Variants in RPS6KA6 observed in about 807,000 individuals in gnomAD.
RPS6KA6 encodes ribosomal protein S6 kinase A6.
In RPS6KA6, 27 loss-of-function variants were observed where a neutral mutation model predicts 65.4. The ratio of observed to expected loss-of-function variants is 0.41; its 90% CI spans 0.30 to 0.57. The LOEUF is 0.57. RPS6KA6 is among the 20% of genes least tolerant of loss of function. RPS6KA6 has a pLI of 0.24. For missense variants in RPS6KA6, 486 were observed against 555.6 expected (o/e 0.87, Z 1.26); for synonymous variants, 190 against 184.2 (o/e 1.03, Z -0.26).
intron 1 of RPS6KA6, chrX:84,186,999 T>G (rs185674660): frequency 1.8e-5 from 2 of 112,160 alleles, no homozygotes; most frequent in East Asian, 5.6e-4. Flanking sequence ...CAGAACAGTT[T>G]CAGAGTAAGA....
At chrX:84,183,956 T>C (rs976097915) in intron 1 of RPS6KA6, among the ~76,000 whole-genome samples, 10 of 111,921 alleles carry the variant, frequency 8.9e-5, no homozygotes, top group South Asian at 7.4e-4. Flanking sequence ...GCATTTCACA[T>C]TACAGCACTA....
At chrX:84,074,010 C>A (rs754644262) in intron 20 of RPS6KA6, among the ~76,000 whole-genome samples, 1 of 111,597 alleles carries the variant, frequency 9.0e-6, no homozygotes, top group Non-Finnish European at 1.9e-5. Context: ...ATCCAGCAGT[C>A]CCACTACTGG....
chrX:84,079,381 T>A, intron 20 of RPS6KA6, among the ~76,000 whole-genome samples: 1 of 110,733 alleles, frequency 9.0e-6, no homozygotes, highest in Non-Finnish European at 1.9e-5. Flanking sequence ...AGCACAAAAC[T>A]GGGCAGCCGT....
chrX:84,135,303 T>G, intron 6 of RPS6KA6, 93 bp from the exon 7 acceptor site: 2 of 553,846 alleles, frequency 3.6e-6, no homozygotes, highest in Non-Finnish European at 5.8e-6. Flanking sequence ...CAGACAAATC[T>G]AGGAAAATAA....
At chrX:84,111,064 A>G (rs769777935) in intron 12 of RPS6KA6, among the ~76,000 whole-genome samples, 15 of 108,456 alleles carry the variant, frequency 1.4e-4, no homozygotes, top group Non-Finnish European at 1.9e-4. Context: ...CAGAATTGAA[A>G]ACTTTAATAA....
intron 2 of RPS6KA6, among the ~76,000 whole-genome samples, chrX:84,162,283 G>A (rs773750778): frequency 2.7e-4 from 30 of 110,108 alleles, no homozygotes; most frequent in Non-Finnish European, 5.5e-4. Flanking sequence ...GAAAAAAATC[G>A]TAGCTGTATA....
At chrX:84,108,927 T>C (rs1181157925) in intron 12 of RPS6KA6, among the ~76,000 whole-genome samples, 1 of 112,112 alleles carries the variant, frequency 8.9e-6, no homozygotes, top group Non-Finnish European at 1.9e-5. Context: ...TTCTTCAGTG[T>C]TGGGTCTACA....
chrX:84,146,982 G>C lies in RPS6KA6; in HGVS notation c.417C>G (p.His139Gln). ...EVNHPFIVKL[H>Q]YAFQTEGKLY... ...GAATAAAAAAAGATTACATACCATA[G>C]TGCAATTTGACAATAAATGGATGAT... The change falls in exon 5 of 22, where the codon CAC becomes CAG. Residue 139 changes from histidine (H) to glutamine (Q), a missense_variant. Coordinates refer to ENST00000262752, the MANE Select transcript of RPS6KA6 (RefSeq NM_014496.5). 9.0e-7 allele frequency: 1 copy of C among 1,111,171 alleles called. No homozygotes were observed. The highest frequency in any genetic ancestry group is 1.2e-6 in the Non-Finnish European group (1 of 810,954). The allele number at this position is 1,111,171 out of a possible 1,213,427, so 91.6% of individuals were successfully genotyped here. A position where few individuals can be genotyped will look rare whatever the true frequency, so the allele number is the denominator to read the frequency against.
chrX:84,059,708 G>A lies in RPS6KA6; in HGVS notation c.*4569C>T. 9.0e-6 allele frequency: 1 copy of A among 111,653 alleles called. No individual in the cohort carries two copies. Among genetic ancestry groups the A allele is most frequent in the East Asian group, 2.8e-4 (1 of 3,579 alleles). The allele number at this position is 111,653 out of a possible 1,213,427, so 9.2% of individuals were successfully genotyped here. A position where few individuals can be genotyped will look rare whatever the true frequency, so the allele number is the denominator to read the frequency against. On this transcript the variant is annotated 3_prime_UTR_variant, in exon 22 of 22. Coordinates refer to ENST00000262752, the MANE Select transcript of RPS6KA6 (RefSeq NM_014496.5). ...ATACCTTTTGAAGAATAAATTATTA[G>A]TTCCCATAACTAGACAGTTGGAATT...
intron 20 of RPS6KA6, among the ~76,000 whole-genome samples, chrX:84,078,161 A>T (rs2033701449): frequency 8.9e-6 from 1 of 112,277 alleles, no homozygotes; most frequent in Non-Finnish European, 1.9e-5. Flanking sequence ...GAAAAAGGGA[A>T]AGGTAAAAGA....
At chrX:84,142,567 C>A (rs1030909132) in intron 6 of RPS6KA6, among the ~76,000 whole-genome samples, 1 of 111,238 alleles carries the variant, frequency 9.0e-6, no homozygotes, top group Non-Finnish European at 1.9e-5. Flanking sequence ...AAAGCTGTTT[C>A]TTTGAGAGTA....
At chrX:84,181,251 A>C (rs2035848998) in intron 1 of RPS6KA6, among the ~76,000 whole-genome samples, 1 of 111,917 alleles carries the variant, frequency 8.9e-6, no homozygotes, top group Non-Finnish European at 1.9e-5. Flanking sequence ...TTGTCATTCA[A>C]AACAGAGTCA....
At chrX:84,135,252 T>C (rs1569228601) in intron 6 of RPS6KA6, 42 bp from the exon 7 acceptor site, 1 of 876,379 alleles carries the variant, frequency 1.1e-6, no homozygotes, top group East Asian at 3.4e-5. Flanking sequence ...TTTCTTTCAA[T>C]ATTCAGTATA....
At chrX:84,166,446 A>G (rs749766237) in intron 1 of RPS6KA6, among the ~76,000 whole-genome samples, 15 of 111,951 alleles carry the variant, frequency 1.3e-4, no homozygotes, top group Non-Finnish European at 2.6e-4. Flanking sequence ...ACTAAAAATC[A>G]TATGAAAAAT....
chrX:84,129,003 T>C (rs986032812), intron 8 of RPS6KA6, among the ~76,000 whole-genome samples: 11 of 111,175 alleles, frequency 9.9e-5, no homozygotes, highest in Middle Eastern at 4.6e-3. Context: ...CTGGATCACA[T>C]CAAGTTAAAA....
intron 1 of RPS6KA6, among the ~76,000 whole-genome samples, chrX:84,182,181 G>T: frequency 9.1e-6 from 1 of 109,300 alleles, no homozygotes; most frequent in East Asian, 2.9e-4. Flanking sequence ...ATGTCTCCAG[G>T]GCAATTTAGA....
At chrX:84,098,724 C>T (rs1342599598) in intron 18 of RPS6KA6, among the ~76,000 whole-genome samples, 1 of 111,181 alleles carries the variant, frequency 9.0e-6, no homozygotes. Flanking sequence ...GCTTTGACAA[C>T]TGCCAAACAT....
intron 6 of RPS6KA6, among the ~76,000 whole-genome samples, chrX:84,137,712 T>C (rs2035016905): frequency 8.9e-6 from 1 of 112,218 alleles, no homozygotes; most frequent in Non-Finnish European, 1.9e-5. Context: ...AGGCTGAACA[T>C]TGTTATTCAT....
intron 20 of RPS6KA6, among the ~76,000 whole-genome samples, chrX:84,094,707 G>T (rs939944066): frequency 3.6e-5 from 4 of 111,053 alleles, no homozygotes; most frequent in African/African-American, 1.3e-4. Context: ...TGCAAGTGGA[G>T]AACTTGTTCT....
Sources: gnomAD v4.1 joint callset for allele counts (sites outside exome capture counted in the v4.1 genomes callset) on GRCh38, gnomAD v4.1.1 for gene constraint, MANE v1.5 for transcripts, NCBI Gene and HGNC (gene_info 2026-07-23, HGNC 2026-07-21) for gene names.